Variants in MYO10 observed in about 807,000 individuals in gnomAD.
The protein encoded by MYO10 is myosin X, also known as unconventional myosin-X.
Under a neutral mutation model 257.3 loss-of-function variants are expected in MYO10, and 133 were observed. That is an observed-to-expected ratio of 0.52 (90% CI 0.45 to 0.60). The LOEUF (loss-of-function observed/expected upper bound fraction) is 0.60. Ranked by LOEUF, MYO10 falls within the 20% of genes least tolerant of loss-of-function variation. The pLI, the probability that MYO10 is intolerant of heterozygous loss-of-function variation, is 0.00. For synonymous variants in MYO10, 1,104 were observed against 1,028.6 expected (o/e 1.07, Z -1.40); for missense variants, 2,399 against 2,635.7 (o/e 0.91, Z 1.97).
chr5:16,702,802 A>G, intron 23 of MYO10, 123 bp downstream of exon 23: 1 of 987,620 alleles, frequency 1.0e-6, no homozygotes, highest in East Asian at 2.6e-5. Flanking sequence ...AGCCACCTAG[A>G]GTTACTGTTT....
chr5:16,675,044 G>A lies in MYO10; in HGVS notation c.4773C>T (p.Gly1591=), dbSNP rs1736661543. 2 of 1,613,976 alleles carry A rather than the reference G, an allele frequency of 1.2e-6. No individual in the cohort carries two copies. The highest frequency in any genetic ancestry group is 1.7e-6 in the Non-Finnish European group (2 of 1,179,880). The change falls in exon 35 of 41, where the codon GGC becomes GGT. Residue 1591 remains glycine, a synonymous_variant. Transcript: ENST00000513610. ...GCAGGTCATGCCCTGTCTGTAGGAT[G>A]CCCTGGATTATTGGAATTGGGTCAG... ...SMSDPIPIIQ[G]ILQTGHDLRP... is the part of the protein sequence containing the mutation.
At chr5:16,821,198 G>A (rs1742795009) in intron 2 of MYO10, among the ~76,000 whole-genome samples, 1 of 148,484 alleles carries the variant, frequency 6.7e-6, no homozygotes, top group African/African-American at 2.4e-5. Flanking sequence ...TACATCCTAT[G>A]TAATTATCTT....
chr5:16,886,350 A>G (rs746530013), intron 1 of MYO10, among the ~76,000 whole-genome samples: 4 of 152,172 alleles, frequency 2.6e-5, no homozygotes, highest in Non-Finnish European at 4.4e-5. Flanking sequence ...CTGGAGAACA[A>G]TTATAGACGT....
At chr5:16,912,963 A>G (rs1385253266) in intron 1 of MYO10, among the ~76,000 whole-genome samples, 1 of 146,578 alleles carries the variant, frequency 6.8e-6, no homozygotes, top group South Asian at 2.2e-4. Flanking sequence ...ATTGAACACC[A>G]GAACGCAAGG....
In MYO10 at chr5:16,797,608, C is replaced by CAGG. The variant is rs538626246; in HGVS notation, c.280-2776_280-2775insCCT. On this transcript the variant is annotated intron_variant, in intron 3 of 40. Transcript: ENST00000513610. ...TCATCAGATGAATGGATGTGGCATA[C>CAGG]CCACACCATGTAATATTACTTAGCC... Among the ~76,000 whole-genome samples, 34 of 152,302 alleles carry CAGG rather than the reference C, an allele frequency of 2.2e-4. No individual in the cohort carries two copies. The South Asian group carries it at 6.8e-3, about 31-fold the overall frequency.
At chr5:16,741,355 G>A (rs1034198873) in intron 19 of MYO10, among the ~76,000 whole-genome samples, 2 of 152,090 alleles carry the variant, frequency 1.3e-5, no homozygotes, top group African/African-American at 4.8e-5. Flanking sequence ...TTTATAATGC[G>A]ATTAAAAAAG....
At chr5:16,814,174 GCT>G (rs1201008985) in intron 3 of MYO10, among the ~76,000 whole-genome samples, 2 of 152,110 alleles carry the variant, frequency 1.3e-5, no homozygotes, top group African/African-American at 4.8e-5. Context: ...ACGGAGTCTC[GCT>G]CTGTCACCCA....
At position 16,764,158 on chromosome 5, in the gene MYO10, G is replaced by A. The variant is rs28554126; in HGVS notation, c.1326+92C>T. 1,298 of 1,327,460 alleles carry A rather than the reference G, an allele frequency of 9.8e-4. 1 individual carries two copies. The highest frequency in any genetic ancestry group is 3.2e-3 in the African/African-American group (209 of 64,580). 82.2% of individuals were successfully genotyped at this position (1,327,460 alleles called of 1,614,324 possible). ...TGAGACTCCTTCTCAAAAAAAAAAA[G>A]AAAAAAAAAGAGTTTGCTCACAGAG... On this transcript the variant is annotated intron_variant, in intron 12 of 40. Coordinates refer to ENST00000513610, the MANE Select transcript of MYO10 (RefSeq NM_012334.3).
At chr5:16,694,292 A>C (rs1737633325) in intron 27 of MYO10, 79 bp downstream of exon 27, 1 of 1,586,214 alleles carries the variant, frequency 6.3e-7, no homozygotes, top group Admixed American at 1.7e-5. Context: ...GCTGCAAGGA[A>C]CTTGCACAGC....
At chr5:16,924,730 C>T (rs1746082968) in intron 1 of MYO10, among the ~76,000 whole-genome samples, 1 of 151,962 alleles carries the variant, frequency 6.6e-6, no homozygotes, top group African/African-American at 2.4e-5. Flanking sequence ...TATGCAGAAA[C>T]TCCTCAAATA....
chr5:16,701,909 AC>A lies in MYO10; in HGVS notation c.2557-72del. The stretch of plus-strand genomic sequence containing the variant: ...GTCCAAGCATAGCTCCCGCTTTGCA[AC>A]CAGGATGAAATATGGTCATTATGAG... On this transcript the variant is annotated intron_variant, in intron 24 of 40. Transcript: ENST00000513610. This position sits in a 1 kb window ranked among gnomAD's most constrained non-coding sequence, Gnocchi z 8.1. 1 of 1,497,652 alleles carries A rather than the reference AC, an allele frequency of 6.7e-7. No homozygotes were observed. The highest frequency in any genetic ancestry group is 8.9e-7 in the Non-Finnish European group (1 of 1,122,492). 92.8% of individuals were successfully genotyped at this position (1,497,652 alleles called of 1,614,324 possible).
At chr5:16,911,938 T>C (rs1397653201) in intron 1 of MYO10, among the ~76,000 whole-genome samples, 1 of 152,142 alleles carries the variant, frequency 6.6e-6, no homozygotes, top group East Asian at 1.9e-4. Flanking sequence ...CTTGGGAGGC[T>C]GAGGCAGAAT....
intron 2 of MYO10, among the ~76,000 whole-genome samples, chr5:16,850,477 C>A (rs1429106672): frequency 6.6e-6 from 1 of 151,984 alleles, no homozygotes; most frequent in African/African-American, 2.4e-5. Context: ...GGGGTTTCAC[C>A]ATGTTGGCCA....
intron 2 of MYO10, among the ~76,000 whole-genome samples, chr5:16,835,492 G>GTTTTTTTTT (rs1554001242): frequency 1.5e-4 from 12 of 81,086 alleles, no homozygotes; most frequent in South Asian, 5.0e-4. Flanking sequence ...ATTTTTGGCT[G>GTTTTTTTTT]TTTTTTTTTT....
At chr5:16,875,756 G>A (rs1480599469) in intron 2 of MYO10, among the ~76,000 whole-genome samples, 8 of 152,176 alleles carry the variant, frequency 5.3e-5, no homozygotes, top group African/African-American at 7.2e-5. Context: ...CAAGTAGCCC[G>A]TCTGCCTCAA....
chr5:16,744,862 C>T (rs534760354), intron 19 of MYO10, among the ~76,000 whole-genome samples: 21 of 151,936 alleles, frequency 1.4e-4, no homozygotes, highest in African/African-American at 5.1e-4. Context: ...AACAAAAATT[C>T]CGAGATAAAA....
chr5:16,859,820 T>C (rs1744059390), intron 2 of MYO10, among the ~76,000 whole-genome samples: 1 of 152,220 alleles, frequency 6.6e-6, no homozygotes, highest in East Asian at 1.9e-4. Context: ...AGATGTCACC[T>C]TCACCCACCC....
intron 2 of MYO10, among the ~76,000 whole-genome samples, chr5:16,864,004 G>C (rs1744174980): frequency 1.3e-5 from 2 of 152,104 alleles, no homozygotes; most frequent in African/African-American, 2.4e-5. Flanking sequence ...AGACTGAGGT[G>C]GGGGGATTGC....
intron 19 of MYO10, among the ~76,000 whole-genome samples, chr5:16,740,415 A>G (rs1249586737): frequency 6.6e-6 from 1 of 151,088 alleles, no homozygotes; most frequent in Non-Finnish European, 1.5e-5. Context: ...GGGTGCAGGT[A>G]GGGGAGGGAA....
Sources: allele counts gnomAD v4.1 joint callset (sites outside exome capture counted in the v4.1 genomes callset), GRCh38; gene constraint gnomAD v4.1.1; non-coding constraint Gnocchi (gnomAD v3.1); transcripts MANE v1.5; gene names NCBI Gene and HGNC (gene_info 2026-07-23, HGNC 2026-07-21).